Variants in EDA observed in about 807,000 individuals in gnomAD.
The protein encoded by EDA is ectodysplasin-A.
Under a neutral mutation model 23.6 loss-of-function variants are expected in EDA, and 2 were observed. The observed-to-expected ratio is 0.08, with a 90% CI of 0.03 to 0.27. The LOEUF (loss-of-function observed/expected upper bound fraction) is 0.27, where lower values mean the gene tolerates loss of function less well. Ranked by LOEUF, EDA falls within the 10% of genes least tolerant of loss-of-function variation. The pLI is 1.00. For missense variants in EDA, 229 were observed against 324.2 expected (o/e 0.71, Z 2.26); for synonymous variants, 131 against 132.0 (o/e 0.99, Z 0.05).
At chrX:69,825,843 T>C (rs2016412013) in intron 1 of EDA, among the ~76,000 whole-genome samples, 1 of 111,101 alleles carries the variant, frequency 9.0e-6, no homozygotes, top group Non-Finnish European at 1.9e-5. Flanking sequence ...TTTAGTGCTA[T>C]AAATTTCCCT....
chrX:69,716,241 T>C (rs1356927891), intron 1 of EDA, among the ~76,000 whole-genome samples: 18 of 112,198 alleles, frequency 1.6e-4, no homozygotes, highest in Non-Finnish European at 5.6e-5. Flanking sequence ...AGTTAACTTT[T>C]GTATATGTTG....
At chrX:69,994,960 A>C (rs779087640) in intron 2 of EDA, among the ~76,000 whole-genome samples, 33 of 112,320 alleles carry the variant, frequency 2.9e-4, no homozygotes, top group Non-Finnish European at 3.2e-4. Flanking sequence ...GTCTATTGAA[A>C]TTTCTTTACA....
chrX:69,977,928 A>C (rs1485799279), intron 2 of EDA, among the ~76,000 whole-genome samples: 1 of 111,435 alleles, frequency 9.0e-6, no homozygotes, highest in African/African-American at 3.3e-5. Context: ...AGATCAATGC[A>C]TCAGAAATAT....
At chrX:69,793,756 T>C (rs2147476061) in intron 1 of EDA, among the ~76,000 whole-genome samples, 1 of 109,928 alleles carries the variant, frequency 9.1e-6, no homozygotes, top group African/African-American at 3.3e-5. Context: ...TGAAGTTCCA[T>C]TGTCAAGATT....
intron 1 of EDA, among the ~76,000 whole-genome samples, chrX:69,659,463 TC>T (rs1933419086): frequency 9.0e-6 from 1 of 111,494 alleles, no homozygotes; most frequent in Non-Finnish European, 1.9e-5. Flanking sequence ...ATCAAATAAA[TC>T]ATAAATATAA....
intron 1 of EDA, among the ~76,000 whole-genome samples, chrX:69,891,731 G>A (rs771130529): frequency 1.0e-5 from 1 of 97,253 alleles, no homozygotes; most frequent in African/African-American, 3.5e-5. Context: ...ATGGACACAT[G>A]GGGGGAAGAA....
At chrX:69,788,302 C>T (rs373838684) in intron 1 of EDA, among the ~76,000 whole-genome samples, 1 of 112,724 alleles carries the variant, frequency 8.9e-6, no homozygotes, top group Non-Finnish European at 1.9e-5. Context: ...CGTCAAAGTC[C>T]TTCTCCGTCC....
At chrX:70,029,691 CTA>C (rs1444405543) in intron 5 of EDA, among the ~76,000 whole-genome samples, 153 bp downstream of exon 5, 1 of 112,786 alleles carries the variant, frequency 8.9e-6, no homozygotes, top group Non-Finnish European at 1.9e-5. Context: ...CCTCCCATCT[CTA>C]TGAATAGAAA....
At chrX:69,620,107 C>T (rs964303530) in intron 1 of EDA, among the ~76,000 whole-genome samples, 2 of 111,490 alleles carry the variant, frequency 1.8e-5, no homozygotes, top group Non-Finnish European at 3.8e-5. Flanking sequence ...AAACCATGAG[C>T]GAGATGAATA....
chrX:69,999,392 C>T (rs2019706918), intron 2 of EDA, among the ~76,000 whole-genome samples: 2 of 110,736 alleles, frequency 1.8e-5, no homozygotes, highest in South Asian at 3.8e-4. Flanking sequence ...GTGGGTGGAT[C>T]ACTTGAGGTC....
At chrX:69,854,262 CA>C (rs1376064545) in intron 1 of EDA, among the ~76,000 whole-genome samples, 18 of 110,911 alleles carry the variant, frequency 1.6e-4, no homozygotes, top group Non-Finnish European at 2.6e-4. Context: ...GATACCATCT[CA>C]GCTCAATGCA....
intron 1 of EDA, among the ~76,000 whole-genome samples, chrX:69,652,702 A>G (rs1227676553): frequency 1.8e-5 from 2 of 112,059 alleles, no homozygotes; most frequent in Non-Finnish European, 3.8e-5. Flanking sequence ...CTTTCCAACT[A>G]TCTTGTTGAG....
chrX:69,653,763 C>G (rs2147245527), intron 1 of EDA, among the ~76,000 whole-genome samples: 2 of 111,711 alleles, frequency 1.8e-5, no homozygotes, highest in Admixed American at 1.9e-4. Context: ...AAAGCTGAAA[C>G]TGAATCCCTT....
At chrX:69,880,823 A>G (rs2017734623) in intron 1 of EDA, among the ~76,000 whole-genome samples, 2 of 112,080 alleles carry the variant, frequency 1.8e-5, no homozygotes. Context: ...TTCTTTTGGG[A>G]AATTTTCCTG....
At chrX:69,906,420 C>A in intron 1 of EDA, among the ~76,000 whole-genome samples, 1 of 112,415 alleles carries the variant, frequency 8.9e-6, no homozygotes, top group African/African-American at 3.2e-5. Flanking sequence ...CAGGATAACT[C>A]CATTTTTTGA....
chrX:69,685,232 A>G (rs1161932106), intron 1 of EDA, among the ~76,000 whole-genome samples: 1 of 112,291 alleles, frequency 8.9e-6, no homozygotes, highest in Admixed American at 9.5e-5. Flanking sequence ...ACTTAAATTT[A>G]ATTTTAAAAG....
intron 1 of EDA, among the ~76,000 whole-genome samples, chrX:69,931,409 C>A (rs2018596452): frequency 9.0e-6 from 1 of 111,371 alleles, no homozygotes; most frequent in South Asian, 3.8e-4. Flanking sequence ...GAGTCAGGGA[C>A]AATGGTGGAT....
intron 1 of EDA, among the ~76,000 whole-genome samples, chrX:69,887,591 G>A (rs2017848585): frequency 9.0e-6 from 1 of 111,505 alleles, no homozygotes; most frequent in Non-Finnish European, 1.9e-5. Flanking sequence ...AAGCTCAAAA[G>A]ACCTCAAATG....
At chrX:69,676,327 G>C (rs1229075334) in intron 1 of EDA, among the ~76,000 whole-genome samples, 1 of 111,707 alleles carries the variant, frequency 9.0e-6, no homozygotes, top group Non-Finnish European at 1.9e-5. Flanking sequence ...AGTAAGTTAG[G>C]TGAGAGCTGA....
Sources: allele counts gnomAD v4.1 joint callset (sites outside exome capture counted in the v4.1 genomes callset), GRCh38; gene constraint gnomAD v4.1.1; transcripts MANE v1.5; gene names NCBI Gene and HGNC (gene_info 2026-07-23, HGNC 2026-07-21).